The following BMPR2 variants were observed in gnomAD, a reference collection of about 807,000 sequenced individuals.
The protein encoded by BMPR2 is bone morphogenetic protein receptor type-2.
In BMPR2, 29 loss-of-function variants were observed where a neutral mutation model predicts 100.8. That is an observed-to-expected ratio of 0.29 (90% CI 0.21 to 0.39). The LOEUF (loss-of-function observed/expected upper bound fraction) is 0.39, where lower values mean the gene tolerates loss of function less well. Ranked by LOEUF, BMPR2 falls within the 10% of genes least tolerant of loss-of-function variation. The probability of loss-of-function intolerance (pLI) is 1.00; values close to 1 mark genes in which losing one functional copy is unlikely to be tolerated. For synonymous variants in BMPR2, 382 were observed against 442.3 expected (o/e 0.86, Z 1.71); for missense variants, 1,011 against 1,274.5 (o/e 0.79, Z 3.15).
chr2:202,456,545 C>T lies in BMPR2; in HGVS notation c.77-8264C>T, dbSNP rs1425255546. 3.6e-5 allele frequency among the ~76,000 whole-genome samples: 5 copies of T among 139,978 alleles called. 1 individual carries two copies. Among genetic ancestry groups the T allele is most frequent in the East Asian group, 2.2e-4 (1 of 4,642 alleles). The allele number at this position is 139,978 out of a possible 152,430, so 91.8% of individuals were successfully genotyped here. On this transcript the variant is annotated intron_variant, in intron 1 of 12. Coordinates refer to ENST00000374580, the MANE Select transcript of BMPR2 (RefSeq NM_001204.7). Reference sequence around the variant, plus strand: ...TTTTTTTTTTTTCCAGAGGGAGTCTCGCTCTGTCGCCTAGGCTGGAGTACA... The same window carrying T: ...TTTTTTTTTTTTCCAGAGGGAGTCTTGCTCTGTCGCCTAGGCTGGAGTACA...
intron 9 of BMPR2, among the ~76,000 whole-genome samples, chr2:202,537,716 A>G (rs1432335865): frequency 2.0e-5 from 3 of 152,194 alleles, no homozygotes; most frequent in Non-Finnish European, 4.4e-5. Flanking sequence ...ATAAAGGAAT[A>G]AGAAGAGAGT....
At chr2:202,449,733 G>A (rs1316740542) in intron 1 of BMPR2, among the ~76,000 whole-genome samples, 2 of 152,150 alleles carry the variant, frequency 1.3e-5, no homozygotes, top group Non-Finnish European at 2.9e-5. Context: ...TTTACACCTG[G>A]TTTTCTCCTG....
At chr2:202,558,754 G>A (rs1346286043) in intron 12 of BMPR2, among the ~76,000 whole-genome samples, 3 of 151,926 alleles carry the variant, frequency 2.0e-5, no homozygotes, top group Non-Finnish European at 4.4e-5. Context: ...GTAGCCAGAC[G>A]TGGTGGCACA....
intron 1 of BMPR2, among the ~76,000 whole-genome samples, chr2:202,424,387 A>C (rs1157149560): frequency 3.3e-5 from 5 of 150,658 alleles, no homozygotes; most frequent in Non-Finnish European, 5.9e-5. Flanking sequence ...AAAAAAAAAA[A>C]AACACGTTTT....
intron 1 of BMPR2, among the ~76,000 whole-genome samples, chr2:202,397,247 G>GA (rs541584890): frequency 4.6e-5 from 7 of 151,880 alleles, no homozygotes; most frequent in Non-Finnish European, 1.0e-4. Flanking sequence ...ACACCACTAG[G>GA]AAAAAAACAC....
At chr2:202,439,813 G>T (rs1691695959) in intron 1 of BMPR2, among the ~76,000 whole-genome samples, 1 of 148,990 alleles carries the variant, frequency 6.7e-6, no homozygotes, top group Non-Finnish European at 1.5e-5. Context: ...ATTTGGCAGG[G>T]TCATAGGACA....
chr2:202,473,854 C>G (rs909768162), intron 3 of BMPR2, among the ~76,000 whole-genome samples: 8 of 151,772 alleles, frequency 5.3e-5, no homozygotes, highest in Non-Finnish European at 8.8e-5. Context: ...TGCCTGTAAT[C>G]CCAGCACGTT....
At chr2:202,446,763 G>T (rs1041558264) in intron 1 of BMPR2, among the ~76,000 whole-genome samples, 2 of 148,732 alleles carry the variant, frequency 1.3e-5, no homozygotes, top group Non-Finnish European at 2.9e-5. Flanking sequence ...TGATTCTTCC[G>T]CCTCAGCCTC....
intron 1 of BMPR2, among the ~76,000 whole-genome samples, chr2:202,454,740 TTATA>T (rs1459326987): frequency 6.6e-6 from 1 of 152,218 alleles, no homozygotes; most frequent in Non-Finnish European, 1.5e-5. Flanking sequence ...CTTAGTATAT[TTATA>T]TAAACTCTCT....
At chr2:202,511,642 G>A (rs1029207413) in intron 3 of BMPR2, among the ~76,000 whole-genome samples, 9 of 151,924 alleles carry the variant, frequency 5.9e-5, no homozygotes, top group African/African-American at 2.2e-4. Flanking sequence ...GGTAAAATGA[G>A]TTTTATATGT....
At chr2:202,398,318 G>T (rs753486910) in intron 1 of BMPR2, among the ~76,000 whole-genome samples, 20 of 152,030 alleles carry the variant, frequency 1.3e-4, no homozygotes, top group Non-Finnish European at 2.2e-4. Flanking sequence ...ATAATATAAA[G>T]ATTTCCTTTT....
Position 202,389,483 on chromosome 2 carries a change from C to T in BMPR2, c.76+11933C>T, listed in dbSNP as rs146802491. On this transcript the variant is annotated intron_variant, in intron 1 of 12. Coordinates refer to ENST00000374580, the MANE Select transcript of BMPR2 (RefSeq NM_001204.7). ...CAGAGTTTGCAGTGAGACGAGATTG[C>T]GCCACTGCCCTCCAGCCTGGGCGAC... Among the ~76,000 whole-genome samples, 892 of 143,832 alleles carry T rather than the reference C, an allele frequency of 6.2e-3. 13 individuals carry two copies. Among genetic ancestry groups the T allele is most frequent in the African/African-American group, 0.021 (830 of 38,992 alleles). The allele number at this position is 143,832 out of a possible 152,430, so 94.4% of individuals were successfully genotyped here. A position where few individuals can be genotyped will look rare whatever the true frequency, so the allele number is the denominator to read the frequency against.
intron 1 of BMPR2, among the ~76,000 whole-genome samples, chr2:202,439,119 T>C (rs1375166202): frequency 1.3e-5 from 2 of 150,380 alleles, no homozygotes; most frequent in Admixed American, 6.6e-5. Context: ...TTCATTTGTT[T>C]AGATAAGATT....
At chr2:202,498,158 G>C (rs1470110223) in intron 3 of BMPR2, among the ~76,000 whole-genome samples, 1 of 152,178 alleles carries the variant, frequency 6.6e-6, no homozygotes, top group African/African-American at 2.4e-5. Flanking sequence ...AAGACTAACA[G>C]GAGAATGCTT....
At chr2:202,527,740 T>C (rs1402074164) in intron 7 of BMPR2, among the ~76,000 whole-genome samples, 21 of 150,686 alleles carry the variant, frequency 1.4e-4, no homozygotes, top group Admixed American at 6.6e-5. Context: ...TGAGCCGACA[T>C]TGCGCCACTG....
At chr2:202,517,272 G>C (rs1687729079) in intron 5 of BMPR2, among the ~76,000 whole-genome samples, 1 of 149,650 alleles carries the variant, frequency 6.7e-6, no homozygotes, top group Non-Finnish European at 1.5e-5. Flanking sequence ...CAATAAACTT[G>C]GTTGAACACA....
chr2:202,446,548 T>C (rs1029662825), intron 1 of BMPR2, among the ~76,000 whole-genome samples: 4 of 150,370 alleles, frequency 2.7e-5, no homozygotes, highest in Non-Finnish European at 5.9e-5. Flanking sequence ...CATTTCAATA[T>C]AGTATTAGTG....
intron 1 of BMPR2, among the ~76,000 whole-genome samples, chr2:202,408,328 C>T (rs1284340706): frequency 2.0e-5 from 3 of 152,178 alleles, no homozygotes; most frequent in African/African-American, 4.8e-5. Flanking sequence ...CTCACAGAAA[C>T]CATATGTCTG....
intron 3 of BMPR2, among the ~76,000 whole-genome samples, chr2:202,499,663 AG>A (rs1462448094): frequency 6.6e-6 from 1 of 152,204 alleles, no homozygotes; most frequent in Non-Finnish European, 1.5e-5. Context: ...TGATTCTAAA[AG>A]ATAAGTTTAT....
Sources: gnomAD v4.1 joint callset for allele counts (sites outside exome capture counted in the v4.1 genomes callset) on GRCh38, gnomAD v4.1.1 for gene constraint, MANE v1.5 for transcripts, NCBI Gene and HGNC (gene_info 2026-07-23, HGNC 2026-07-21) for gene names.